The following ZNF44 variants were observed in gnomAD, a reference collection of about 807,000 sequenced individuals.
ZNF44 encodes the protein gonadotropin inducible transcription repressor-2.
In ZNF44, 9 loss-of-function variants were observed where a neutral mutation model predicts 11.7. The ratio of observed to expected loss-of-function variants is 0.77; its 90% CI spans 0.46 to 1.35. ZNF44 has a LOEUF of 1.35. Ranked by LOEUF, ZNF44 falls within the 40% of genes most tolerant of loss-of-function variation. The pLI, the probability that ZNF44 is intolerant of heterozygous loss-of-function variation, is 0.00. For synonymous variants in ZNF44, 224 were observed against 242.7 expected (o/e 0.92, Z 0.72); for missense variants, 696 against 743.1 (o/e 0.94, Z 0.74).
intron 5 of ZNF44, among the ~76,000 whole-genome samples, chr19:12,264,098 C>A (rs545297260): frequency 3.9e-5 from 6 of 152,104 alleles, no homozygotes; most frequent in African/African-American, 1.4e-4. Context: ...AACGAAACAA[C>A]AACTACCCCT....
chr19:12,247,485 CTG>C, downstream of ZNF44: 2 of 1,341,120 alleles, frequency 1.5e-6, no homozygotes, highest in South Asian at 2.3e-5. Flanking sequence ...ATGAATATAA[CTG>C]GAACTACTGA....
intron 5 of ZNF44, among the ~76,000 whole-genome samples, chr19:12,263,624 C>CA (rs778033529): frequency 6.6e-6 from 1 of 151,566 alleles, no homozygotes; most frequent in Non-Finnish European, 1.5e-5. Context: ...AAACAAAAAA[C>CA]AAAAAAACAA....
chr19:12,288,323 CAT>C (rs1355387604), intron 1 of ZNF44, among the ~76,000 whole-genome samples: 3 of 152,174 alleles, frequency 2.0e-5, no homozygotes, highest in Non-Finnish European at 2.9e-5. Context: ...AAATGGAAGA[CAT>C]ATGTCAGCCC....
intron 1 of ZNF44, among the ~76,000 whole-genome samples, chr19:12,290,560 C>T (rs1967968128): frequency 6.6e-6 from 1 of 151,820 alleles, no homozygotes; most frequent in Admixed American, 6.6e-5. Flanking sequence ...ATTAGCTGGG[C>T]ATGGTGGCAC....
intron 1 of ZNF44, among the ~76,000 whole-genome samples, chr19:12,280,025 A>T (rs1434631007): frequency 6.6e-6 from 1 of 151,940 alleles, no homozygotes; most frequent in African/African-American, 2.4e-5. Context: ...TCTTATACCT[A>T]TCTGATCTAA....
At chr19:12,235,134 T>TG (rs1251623872) in intron 1 of ZNF44, among the ~76,000 whole-genome samples, 2 of 151,962 alleles carry the variant, frequency 1.3e-5, no homozygotes, top group African/African-American at 4.8e-5. Flanking sequence ...CCCAACACTT[T>TG]GGGGGGCAGA....
At chr19:12,246,269 A>T (rs374824401), downstream of ZNF44, among the ~76,000 whole-genome samples, 17 of 152,334 alleles carry the variant, frequency 1.1e-4, no homozygotes, top group African/African-American at 3.8e-4. Context: ...CCTATCACAG[A>T]TCTTACTTCT....
Position 12,229,903 on chromosome 19 carries a change from C to T in ZNF44, n.436+557G>A, listed in dbSNP as rs142727858. Among the ~76,000 whole-genome samples, 90 of 152,228 alleles carry T rather than the reference C, an allele frequency of 5.9e-4. No homozygotes were observed. In the East Asian group the frequency reaches 9.8e-3, roughly 17 times the overall value. Reference sequence around the variant, plus strand: ...CTGGGATTATAGACGTGAGCCACCACGCTCAGCCAGGAAGAAAGATTTAGG... The same window carrying T: ...CTGGGATTATAGACGTGAGCCACCATGCTCAGCCAGGAAGAAAGATTTAGG... On this transcript the variant is annotated intron_variant and non_coding_transcript_variant, in intron 3 of 3. Transcript: ENST00000597563.
At chr19:12,256,037 CAAAAAAAA>C (rs74180061) in intron 5 of ZNF44, among the ~76,000 whole-genome samples, 6 of 39,654 alleles carry the variant, frequency 1.5e-4, no homozygotes, top group South Asian at 2.8e-3. Flanking sequence ...AACTCTGTCT[CAAAAAAAA>C]AAAAAAAAAA....
At chr19:12,228,589 C>CTGACATGCCTCAACTTTCTGACTTGT (rs1385471725) in intron 3 of ZNF44, among the ~76,000 whole-genome samples, 1 of 152,160 alleles carries the variant, frequency 6.6e-6, no homozygotes, top group East Asian at 1.9e-4. Flanking sequence ...CTTTCACAGT[C>CTGACATGCCTCAACTTTCTGACTTGT]TGACATGCCT....
rs1967059868 is a variant in ZNF44, at chr19:12,273,394, C to T, written c.861G>A (p.Gly287=). 3 of 1,613,754 alleles carry T rather than the reference C, an allele frequency of 1.9e-6. No individual in the cohort carries two copies. The South Asian group carries it at 3.3e-5, about 18-fold the overall frequency. ...GEKPYKCKQC[G]KAFSVSGSLR... The stretch of plus-strand genomic sequence containing the variant: ...GGGAACCGGAAACACTGAAGGCTTT[C>T]CCACATTGTTTACATTTGTAGGGTT... The change falls in exon 4 of 4, where the codon GGG becomes GGA. Residue 287 remains glycine (G), a synonymous_variant. Transcript: ENST00000355684.
At chr19:12,271,334 A>G (rs1284354814), downstream of ZNF44, among the ~76,000 whole-genome samples, 1 of 152,230 alleles carries the variant, frequency 6.6e-6, no homozygotes, top group African/African-American at 2.4e-5. Context: ...ATCTGCAAAT[A>G]TGAAGACATA....
chr19:12,225,593 A>C (rs1915881561), downstream of ZNF44, among the ~76,000 whole-genome samples: 1 of 152,182 alleles, frequency 6.6e-6, no homozygotes, highest in African/African-American at 2.4e-5. Context: ...AATTAAGCGA[A>C]ATGCTATGGT....
chr19:12,239,390 G>A (rs2459007), upstream of ZNF44, among the ~76,000 whole-genome samples: 33,797 of 148,454 alleles, frequency 0.23, 5,868 homozygotes, highest in African/African-American at 0.49. Flanking sequence ...CTGGGATTAC[G>A]GGAGTGAGCG....
upstream of ZNF44, among the ~76,000 whole-genome samples, chr19:12,238,697 G>A (rs535711922): frequency 8.6e-5 from 13 of 151,782 alleles, 1 homozygote; most frequent in East Asian, 9.7e-4. Context: ...TCAGGAGGTC[G>A]AGGCAGGACA....
chr19:12,245,009 G>A (rs73505822), downstream of ZNF44, among the ~76,000 whole-genome samples: 219 of 152,308 alleles, frequency 1.4e-3, 2 homozygotes, highest in East Asian at 0.027. Context: ...TGTGATTCTA[G>A]TGGTCTCTGG....
chr19:12,234,119 C>T (rs996554302), intron 2 of ZNF44, among the ~76,000 whole-genome samples: 1 of 151,274 alleles, frequency 6.6e-6, no homozygotes, highest in African/African-American at 2.4e-5. Context: ...AGGTTTTGAA[C>T]GTACATTGCT....
intron 3 of ZNF44, among the ~76,000 whole-genome samples, chr19:12,228,026 A>G (rs1915992369): frequency 6.6e-6 from 1 of 152,194 alleles, no homozygotes; most frequent in Non-Finnish European, 1.5e-5. Context: ...GTTAGTGCTT[A>G]AGAGAAACCC....
At chr19:12,227,269 G>A (rs1452033716) in intron 3 of ZNF44, among the ~76,000 whole-genome samples, 1 of 151,940 alleles carries the variant, frequency 6.6e-6, no homozygotes, top group Admixed American at 6.6e-5. Flanking sequence ...TTTTAAAGAG[G>A]ACCAAAACAA....
Sources: gnomAD v4.1 joint callset for allele counts (sites outside exome capture counted in the v4.1 genomes callset) on GRCh38, gnomAD v4.1.1 for gene constraint, MANE v1.5 for transcripts, NCBI Gene and HGNC (gene_info 2026-07-23, HGNC 2026-07-21) for gene names.